The following TCEA2 variants were observed in gnomAD, a reference collection of about 807,000 sequenced individuals.
TCEA2 encodes the protein transcription elongation factor A2, also known as transcription elongation factor A protein 2.
Under a neutral mutation model 40.8 loss-of-function variants are expected in TCEA2, and 21 were observed. The observed-to-expected ratio is 0.51, with a 90% CI of 0.36 to 0.74. TCEA2 has a LOEUF of 0.74. Among genes scored for constraint, TCEA2 ranks in the 30% least tolerant of loss-of-function variants. TCEA2 has a pLI of 0.00. For missense variants in TCEA2, 326 were observed against 426.5 expected (o/e 0.76, Z 2.08); for synonymous variants, 165 against 162.7 (o/e 1.01, Z -0.11).
intron 6 of TCEA2, 165 bp downstream of exon 6, chr20:64,069,986 GC>G (rs1181391231): frequency 7.3e-6 from 7 of 952,426 alleles, no homozygotes; most frequent in African/African-American, 3.2e-5. Context: ...CCTCAGGAGG[GC>G]CCCCGGACCA....
intron 2 of TCEA2, 132 bp from the exon 3 acceptor site, chr20:64,066,783 A>G (rs1282343282): frequency 3.2e-6 from 3 of 941,020 alleles, no homozygotes; most frequent in East Asian, 2.6e-5. Flanking sequence ...GACAGTCGCC[A>G]TTGGGAGAGG....
chr20:64,055,857 C>T (rs1040687129), upstream of TCEA2, among the ~76,000 whole-genome samples: 3 of 152,126 alleles, frequency 2.0e-5, no homozygotes, highest in African/African-American at 4.8e-5. The surrounding 1 kb of genome is among the most constrained non-coding windows in gnomAD (Gnocchi z 4.0). Flanking sequence ...TCTCCCTGGT[C>T]TCTCTCTGGG....
chr20:64,059,133 C>T (rs956119882), upstream of TCEA2, among the ~76,000 whole-genome samples: 1 of 144,080 alleles, frequency 6.9e-6, no homozygotes, highest in Admixed American at 7.4e-5. Flanking sequence ...GCGGAGGTTG[C>T]AGTGAGCCAA....
intron 1 of TCEA2, 67 bp from the exon 2 acceptor site, chr20:64,066,409 G>A: frequency 1.9e-6 from 3 of 1,552,780 alleles, no homozygotes; most frequent in Non-Finnish European, 2.7e-6. Context: ...CCTCCAGTAG[G>A]CAGAAGGAGG....
At chr20:64,059,002 C>A (rs2059512269), upstream of TCEA2, among the ~76,000 whole-genome samples, 1 of 152,096 alleles carries the variant, frequency 6.6e-6, no homozygotes, top group Non-Finnish European at 1.5e-5. Context: ...ACTAGCCTCA[C>A]CAATATGATG....
intron 1 of TCEA2, chr20:64,063,590 C>A (rs1011382009): frequency 4.9e-6 from 3 of 609,668 alleles, no homozygotes; most frequent in Non-Finnish European, 8.5e-6. Flanking sequence ...TCCCGCAACC[C>A]CGGCAGAGGC....
At position 64,070,328 on chromosome 20, in the gene TCEA2, C is replaced by T; in HGVS notation, c.586C>T (p.Leu196=). 6.2e-7 allele frequency: 1 copy of T among 1,614,234 alleles called. No individual in the cohort carries two copies. The highest frequency in any genetic ancestry group is 8.5e-7 in the Non-Finnish European group (1 of 1,180,042). The change falls in exon 7 of 10, where the codon CTG becomes TTG. Residue 196 remains leucine (L), a synonymous_variant. Transcript: ENST00000343484. ...KNRVRSRISN[L]KDAKNPDLRR... ...CCGTGTACGGAGTCGTATCTCCAACCTGAAGGATGCCAAGAACCCTGACCT... is the reference window on the plus strand; with the variant it reads ...CCGTGTACGGAGTCGTATCTCCAACTTGAAGGATGCCAAGAACCCTGACCT...
At position 64,069,454 on chromosome 20, in the gene TCEA2, G is replaced by A; in HGVS notation, c.423G>A (p.Lys141=). The change falls in exon 5 of 10, where the codon AAG becomes AAA. Residue 141 remains lysine, a synonymous_variant. Transcript: ENST00000343484. Reference sequence around the variant, plus strand: ...TCACCTGTGATGCCGTGCGCAACAAGTGCCGCGAGATGCTGACCGCTGCCC... The same window carrying A: ...TCACCTGTGATGCCGTGCGCAACAAATGCCGCGAGATGCTGACCGCTGCCC... ...VPVTCDAVRN[K]CREMLTAALQ... 6.2e-7 allele frequency: 1 copy of A among 1,613,436 alleles called. No individual in the cohort carries two copies. The highest frequency in any genetic ancestry group is 1.3e-5 in the African/African-American group (1 of 75,060).
rs375962981 is a variant in TCEA2, at chr20:64,065,372, G to C, written c.73-1104G>C. Among the ~76,000 whole-genome samples, 108 of 152,358 alleles carry C rather than the reference G, an allele frequency of 7.1e-4. 2 individuals are homozygous for C. The South Asian group carries it at 0.022, about 32-fold the overall frequency. On this transcript the variant is annotated intron_variant, in intron 1 of 9. Transcript: ENST00000343484. The stretch of plus-strand genomic sequence containing the variant: ...GGACAAGCCCCTCCCATGGCCTGTG[G>C]GTCGTGGGACTCTGATCAGGTCACC...
upstream of TCEA2, chr20:64,057,006 T>C (rs816953): frequency 0.65 from 99,583 of 152,218 alleles, 33,220 homozygotes; most frequent in African/African-American, 0.79. Context: ...GAGGAGGAGA[T>C]GGAACCCTCC....
At chr20:64,056,005 CCAGGCTGG>C (rs1456050720), upstream of TCEA2, among the ~76,000 whole-genome samples, 1 of 152,050 alleles carries the variant, frequency 6.6e-6, no homozygotes, top group Non-Finnish European at 1.5e-5. Context: ...GGAGTGGCCG[CCAGGCTGG>C]CGGGCTGGCA....
chr20:64,063,027 C>T (rs1601578438), upstream of TCEA2: 7 of 224,752 alleles, frequency 3.1e-5, no homozygotes, highest in East Asian at 6.1e-4. Context: ...TCACTGGCGA[C>T]GGTGGGTCAG....
At chr20:64,068,664 C>T (rs2059752625) in intron 4 of TCEA2, among the ~76,000 whole-genome samples, 1 of 152,244 alleles carries the variant, frequency 6.6e-6, no homozygotes, top group South Asian at 2.1e-4. Context: ...TGGCTTTGCC[C>T]TTGACCACAC....
chr20:64,071,768 T>TG (rs1283896021), intron 8 of TCEA2, 102 bp from the exon 9 acceptor site: 10 of 1,402,788 alleles, frequency 7.1e-6, no homozygotes, highest in Admixed American at 2.0e-5. Context: ...AGGTCACCTG[T>TG]GGGAGCTCAG....
intron 9 of TCEA2, 77 bp from the exon 10 acceptor site, chr20:64,072,095 G>C: frequency 6.2e-7 from 1 of 1,604,622 alleles, no homozygotes; most frequent in East Asian, 2.2e-5. Context: ...CCCAGCCTTG[G>C]GTGAGCCTGT....
Position 64,071,703 on chromosome 20 carries a change from C to T in TCEA2, c.820-167C>T, listed in dbSNP as rs546017813. ...GCCTCTGCCCCGATAAACTCTGTCTCCCTCCCCCGGAGGCTCAGCTTTGGA... is the reference window on the plus strand; with the variant it reads ...GCCTCTGCCCCGATAAACTCTGTCTTCCTCCCCCGGAGGCTCAGCTTTGGA... On this transcript the variant is annotated intron_variant, in intron 8 of 9. Transcript: ENST00000343484. Among the ~76,000 whole-genome samples the T allele has an allele frequency of 4.9e-4, 74 of 152,228 alleles. 1 individual carries two copies. Among genetic ancestry groups the T allele is most frequent in the Non-Finnish European group, 7.8e-4 (53 of 68,038 alleles).
intron 3 of TCEA2, 37 bp downstream of exon 3, chr20:64,067,057 G>A (rs777394365): frequency 6.4e-7 from 1 of 1,571,526 alleles, no homozygotes; most frequent in African/African-American, 1.4e-5. Flanking sequence ...TGCTGGGGCA[G>A]GGGTCCCAGA....
At chr20:64,063,440 G>A in intron 1 of TCEA2, 56 bp downstream of exon 1, 1 of 1,528,942 alleles carries the variant, frequency 6.5e-7, no homozygotes, top group Non-Finnish European at 8.8e-7. Flanking sequence ...AGACCCCGTC[G>A]AGCCCGCCGA....
At chr20:64,071,728 A>G in intron 8 of TCEA2, 142 bp from the exon 9 acceptor site, 1 of 873,984 alleles carries the variant, frequency 1.1e-6, no homozygotes, top group Non-Finnish European at 1.7e-6. Context: ...TCAGCTTTGG[A>G]AGGTTGGAGT....
Sources: gnomAD v4.1 joint callset for allele counts (sites outside exome capture counted in the v4.1 genomes callset) on GRCh38, gnomAD v4.1.1 for gene constraint, Gnocchi (gnomAD v3.1) non-coding constraint, MANE v1.5 for transcripts, NCBI Gene and HGNC (gene_info 2026-07-23, HGNC 2026-07-21) for gene names.